SLC44A5: variants seen among roughly 807,000 people sequenced by gnomAD.
SLC44A5 encodes solute carrier family 44 member 5.
SLC44A5 carries 57 observed loss-of-function variants against 101.8 expected under a neutral mutation model. The observed-to-expected ratio is 0.56, with a 90% confidence interval of 0.45 to 0.70. The LOEUF (loss-of-function observed/expected upper bound fraction) is 0.70. SLC44A5 is among the 30% of genes least tolerant of loss of function. The pLI, the probability that SLC44A5 is intolerant of heterozygous loss-of-function variation, is 0.00. For synonymous variants in SLC44A5, 281 were observed against 290.9 expected (o/e 0.97, Z 0.35); for missense variants, 737 against 853.1 (o/e 0.86, Z 1.70).
intron 1 of SLC44A5, among the ~76,000 whole-genome samples, chr1:75,551,240 T>C (rs905524568): frequency 2.0e-5 from 3 of 152,210 alleles, no homozygotes; most frequent in Admixed American, 6.6e-5. Flanking sequence ...AGCTAATGAG[T>C]CCATAACTAG....
At chr1:75,290,055 A>G (rs1222002205) in intron 5 of SLC44A5, among the ~76,000 whole-genome samples, 2 of 152,230 alleles carry the variant, frequency 1.3e-5, no homozygotes, top group Non-Finnish European at 2.9e-5. Flanking sequence ...TAATAAAGTA[A>G]CCATGATAAC....
chr1:75,338,535 T>C (rs1657621194), intron 4 of SLC44A5, among the ~76,000 whole-genome samples: 1 of 152,202 alleles, frequency 6.6e-6, no homozygotes, highest in Admixed American at 6.5e-5. Flanking sequence ...AAAATGGATG[T>C]AATCATAGTA....
chr1:75,323,191 G>A (rs1157961047), intron 4 of SLC44A5, among the ~76,000 whole-genome samples: 2 of 149,748 alleles, frequency 1.3e-5, no homozygotes, highest in Non-Finnish European at 3.0e-5. Flanking sequence ...AATATGCGGT[G>A]TTTGGTTTTT....
the SLC44A5 span, among the ~76,000 whole-genome samples, chr1:75,684,466 A>C: frequency 6.6e-6 from 1 of 152,142 alleles, no homozygotes; most frequent in Admixed American, 6.5e-5. Flanking sequence ...CCATGAAATC[A>C]AAGCAAGTTA....
chr1:75,396,692 C>A, intron 2 of SLC44A5, 71 bp from the exon 3 acceptor site: 1 of 1,158,954 alleles, frequency 8.6e-7, no homozygotes. Flanking sequence ...ATACACATCT[C>A]TCCTTATCCT....
chr1:75,364,816 T>C (rs1422805933), intron 3 of SLC44A5, among the ~76,000 whole-genome samples: 1 of 152,204 alleles, frequency 6.6e-6, no homozygotes, highest in Non-Finnish European at 1.5e-5. Context: ...TAATTTCCAA[T>C]ATCCTGTCAT....
chr1:75,237,961 G>A (rs913673950), intron 10 of SLC44A5, among the ~76,000 whole-genome samples: 3 of 151,944 alleles, frequency 2.0e-5, no homozygotes, highest in African/African-American at 7.2e-5. Context: ...CGTGCACACA[G>A]GGAAATATAT....
At chr1:75,375,021 T>G (rs966698518) in intron 3 of SLC44A5, among the ~76,000 whole-genome samples, 10 of 152,166 alleles carry the variant, frequency 6.6e-5, no homozygotes, top group Non-Finnish European at 1.0e-4. Flanking sequence ...TTGAAATGTC[T>G]GAAACAACTG....
At chr1:75,358,838 T>C (rs1436365385) in intron 3 of SLC44A5, among the ~76,000 whole-genome samples, 1 of 152,196 alleles carries the variant, frequency 6.6e-6, no homozygotes, top group Non-Finnish European at 1.5e-5. Flanking sequence ...CTTGTTATCA[T>C]ACTTTGTGGT....
chr1:75,209,624 C>G (rs760108045), intron 23 of SLC44A5, among the ~76,000 whole-genome samples: 3 of 152,112 alleles, frequency 2.0e-5, no homozygotes, highest in Non-Finnish European at 4.4e-5. Flanking sequence ...AATTCTTTGT[C>G]CGGTTATTGA....
intron 4 of SLC44A5, among the ~76,000 whole-genome samples, chr1:75,332,439 T>G (rs1488281256): frequency 3.3e-5 from 5 of 152,192 alleles, no homozygotes. Flanking sequence ...GGTATATAAG[T>G]AAATAGAAAT....
intron 3 of SLC44A5, among the ~76,000 whole-genome samples, chr1:75,388,311 G>A (rs1288974232): frequency 7.0e-6 from 1 of 142,314 alleles, no homozygotes; most frequent in Non-Finnish European, 1.5e-5. Flanking sequence ...GACACTTAAA[G>A]GAGTTCTAAA....
At chr1:75,489,156 T>A (rs1235322632) in intron 2 of SLC44A5, among the ~76,000 whole-genome samples, 3 of 152,178 alleles carry the variant, frequency 2.0e-5, no homozygotes, top group Non-Finnish European at 4.4e-5. Flanking sequence ...CTATGATAGC[T>A]GTTCTCCAAT....
In SLC44A5 at chr1:75,337,388, C is replaced by G. The variant is rs114940227; in HGVS notation, c.101+2194G>C. On this transcript the variant is annotated intron_variant, in intron 4 of 23. Coordinates refer to ENST00000370859, the MANE Select transcript of SLC44A5 (RefSeq NM_001130058.2). ...TTCTTACCTAACAGAAGAAAGCATA[C>G]CAATTCTCCATCAAATAAAATTTAG... Among the ~76,000 whole-genome samples, 1,093 of 152,240 alleles carry G rather than the reference C, an allele frequency of 7.2e-3. 18 individuals carry two copies. Among genetic ancestry groups the G allele is most frequent in the African/African-American group, 0.025 (1,030 of 41,548 alleles).
chr1:75,453,065 A>G (rs945379723), intron 2 of SLC44A5, among the ~76,000 whole-genome samples: 2 of 152,164 alleles, frequency 1.3e-5, no homozygotes, highest in Non-Finnish European at 2.9e-5. Context: ...AGAATACTCC[A>G]TCTAGCAACC....
the SLC44A5 span, among the ~76,000 whole-genome samples, chr1:75,707,960 T>C: frequency 1.1e-4 from 16 of 152,280 alleles, no homozygotes; most frequent in East Asian, 2.5e-3. Flanking sequence ...TTAAATTAGG[T>C]AACTTGTATG....
intron 4 of SLC44A5, among the ~76,000 whole-genome samples, chr1:75,302,116 T>TTTTTTTTTA (rs1654519371): frequency 7.3e-6 from 1 of 136,106 alleles, no homozygotes; most frequent in Non-Finnish European, 1.6e-5. Flanking sequence ...TTTTTTGTTT[T>TTTTTTTTTA]TTTTTTTTTT....
At chr1:75,569,894 A>G (rs1672983867) in intron 1 of SLC44A5, among the ~76,000 whole-genome samples, 1 of 152,232 alleles carries the variant, frequency 6.6e-6, no homozygotes, top group Admixed American at 6.5e-5. Context: ...ACACTAATAC[A>G]GGAGAGGAAA....
intron 2 of SLC44A5, among the ~76,000 whole-genome samples, chr1:75,510,999 T>C (rs1477665662): frequency 6.6e-6 from 1 of 151,962 alleles, no homozygotes; most frequent in African/African-American, 2.4e-5. Context: ...AAAAATTAGC[T>C]GGGCGTGGTG....
Sources: gnomAD v4.1 joint callset for allele counts (sites outside exome capture counted in the v4.1 genomes callset) on GRCh38, gnomAD v4.1.1 for gene constraint, MANE v1.5 for transcripts, NCBI Gene and HGNC (gene_info 2026-07-23, HGNC 2026-07-21) for gene names.